PTGR1: variants seen among roughly 807,000 people sequenced by gnomAD.
PTGR1 encodes the protein prostaglandin reductase 1.
In PTGR1, 23 loss-of-function variants were observed where a neutral mutation model predicts 37.7. The observed-to-expected ratio is 0.61, with a 90% CI of 0.44 to 0.86. The LOEUF (loss-of-function observed/expected upper bound fraction) is 0.86. PTGR1 is among the 40% of genes least tolerant of loss of function. PTGR1 has a pLI of 0.00. For synonymous variants in PTGR1, 134 were observed against 140.0 expected, an observed-to-expected ratio of 0.96 and a Z score of 0.30; for missense variants, 351 against 394.3, an observed-to-expected ratio of 0.89 and a Z score of 0.93.
At chr9:111,589,863 G>A (rs1829554670) in intron 4 of PTGR1, among the ~76,000 whole-genome samples, 1 of 151,994 alleles carries the variant, frequency 6.6e-6, no homozygotes, top group South Asian at 2.1e-4. Context: ...TTGAACTCCC[G>A]ACCTCAAGTG....
chr9:111,597,165 A>C, intron 2 of PTGR1, 152 bp downstream of exon 2: 1 of 630,594 alleles, frequency 1.6e-6, no homozygotes, highest in Non-Finnish European at 2.8e-6. Context: ...AGAACCACCC[A>C]GCTTAACTCA....
intron 4 of PTGR1, among the ~76,000 whole-genome samples, chr9:111,590,726 T>C (rs779520554): frequency 1.4e-4 from 21 of 152,178 alleles, no homozygotes; most frequent in Non-Finnish European, 2.5e-4. Flanking sequence ...TTTCTTTGGG[T>C]CTAGAATTTA....
rs746823754 is a variant in PTGR1 at position 111,578,887 on chromosome 9, A to C, written c.560T>G (p.Phe187Cys). 70 of 1,613,358 alleles carry C rather than the reference A, an allele frequency of 4.3e-5. No individual in the cohort carries two copies. The highest frequency in any genetic ancestry group is 5.4e-5 in the Non-Finnish European group (64 of 1,179,742). ...CGTCTTGTAGTTAAAGACGACATCA[A>C]ATCCAAGCTTTTGAAGGTAGGCAAC... is the stretch of plus-strand genomic sequence containing the variant. ...EKVAYLQKLG[F>C]DVVFNYKTVE... The change falls in exon 7 of 10, where the codon TTT becomes TGT. Residue 187 changes from phenylalanine to cysteine, a missense_variant. Transcript: ENST00000407693.
intron 8 of PTGR1, among the ~76,000 whole-genome samples, chr9:111,573,415 C>G (rs925545776): frequency 1.5e-4 from 23 of 152,334 alleles, no homozygotes; most frequent in East Asian, 9.6e-4. Flanking sequence ...TCTAGCCCCC[C>G]CATCTCCATA....
At chr9:111,569,620 C>T (rs958643053) in intron 9 of PTGR1, among the ~76,000 whole-genome samples, 4 of 152,126 alleles carry the variant, frequency 2.6e-5, no homozygotes, top group Non-Finnish European at 5.9e-5. Flanking sequence ...AAAAAGTTAG[C>T]TGGGCGTGGT....
At chr9:111,564,220 C>A in intron 9 of PTGR1, 1 of 1,079,364 alleles carries the variant, frequency 9.3e-7, no homozygotes, top group Non-Finnish European at 1.1e-6. Context: ...GATTTATAGA[C>A]AAGATTATTT....
chr9:111,566,286 C>A (rs540040577), intron 9 of PTGR1, among the ~76,000 whole-genome samples: 1 of 152,290 alleles, frequency 6.6e-6, no homozygotes, highest in South Asian at 2.1e-4. Flanking sequence ...CTGGGGACAC[C>A]AGCACAGTGG....
intron 7 of PTGR1, among the ~76,000 whole-genome samples, 184 bp from the exon 8 acceptor site, chr9:111,575,026 C>T (rs535337907): frequency 6.6e-6 from 1 of 152,300 alleles, no homozygotes; most frequent in East Asian, 1.9e-4. Context: ...TTCGGCCGGG[C>T]ACGGTGGCTT....
intron 2 of PTGR1, among the ~76,000 whole-genome samples, chr9:111,596,119 C>T (rs768049042): frequency 1.3e-5 from 2 of 152,150 alleles, no homozygotes; most frequent in Admixed American, 6.5e-5. Flanking sequence ...CATGTGACAT[C>T]GAGGATTCAC....
At chr9:111,556,595 CACATAGAA>C (rs1414765466) in intron 9 of PTGR1, among the ~76,000 whole-genome samples, 1 of 152,244 alleles carries the variant, frequency 6.6e-6, no homozygotes, top group African/African-American at 2.4e-5. Context: ...AGGCCAACAC[CACATAGAA>C]ACTGCCAAGG....
At chr9:111,556,392 C>T (rs1828122224) in intron 9 of PTGR1, among the ~76,000 whole-genome samples, 1 of 152,212 alleles carries the variant, frequency 6.6e-6, no homozygotes, top group African/African-American at 2.4e-5. Context: ...AGGATGGTGG[C>T]CATCTTCTCA....
chr9:111,585,667 C>A (rs1389962038), intron 5 of PTGR1, among the ~76,000 whole-genome samples: 2 of 152,206 alleles, frequency 1.3e-5, no homozygotes, highest in Admixed American at 6.5e-5. Context: ...AGATTCCACA[C>A]TGAAGTGAAA....
intron 4 of PTGR1, among the ~76,000 whole-genome samples, chr9:111,591,797 C>T (rs559036924): frequency 1.3e-5 from 2 of 152,226 alleles, no homozygotes; most frequent in African/African-American, 4.8e-5. Flanking sequence ...AGGCAGACCC[C>T]CTGAAACTAT....
At chr9:111,574,508 C>G (rs1828970158) in intron 8 of PTGR1, 1 of 292,312 alleles carries the variant, frequency 3.4e-6, no homozygotes. Context: ...ACCACCACAC[C>G]CAGCTTATTT....
intron 8 of PTGR1, among the ~76,000 whole-genome samples, chr9:111,571,319 G>C (rs976940034): frequency 6.7e-6 from 1 of 149,686 alleles, no homozygotes; most frequent in Non-Finnish European, 1.5e-5. Flanking sequence ...GGCTGAGGCA[G>C]GAGAATCGCT....
intron 7 of PTGR1, chr9:111,575,193 T>G (rs886599945): frequency 6.2e-6 from 1 of 162,184 alleles, no homozygotes; most frequent in Non-Finnish European, 1.3e-5. Flanking sequence ...TCCCAGCTAC[T>G]TGGGAGGCTG....
chr9:111,556,366 C>T (rs937486150), intron 9 of PTGR1, among the ~76,000 whole-genome samples: 3 of 152,252 alleles, frequency 2.0e-5, no homozygotes, highest in Admixed American at 1.3e-4. Context: ...GGTGGATCTA[C>T]CATTCTGGGG....
intron 9 of PTGR1, among the ~76,000 whole-genome samples, chr9:111,567,713 T>G (rs1471240992): frequency 6.6e-6 from 1 of 152,174 alleles, no homozygotes; most frequent in Non-Finnish European, 1.5e-5. Context: ...ACGGCAGGAT[T>G]TGATTTGTGC....
intron 3 of PTGR1, among the ~76,000 whole-genome samples, chr9:111,593,550 C>T (rs1001642688): frequency 6.6e-6 from 1 of 152,190 alleles, no homozygotes; most frequent in Admixed American, 6.6e-5. Flanking sequence ...GAGTCAACCA[C>T]AGATTCACCT....
Sources: allele counts gnomAD v4.1 joint callset (sites outside exome capture counted in the v4.1 genomes callset), GRCh38; gene constraint gnomAD v4.1.1; transcripts MANE v1.5; gene names NCBI Gene and HGNC (gene_info 2026-07-23, HGNC 2026-07-21).